The following ADGB variants were observed in gnomAD, a reference collection of about 807,000 sequenced individuals.
ADGB encodes androglobin, also known as calpain-7-like protein.
A neutral mutation model predicts 210.5 loss-of-function variants in ADGB; 172 were observed. The ratio of observed to expected loss-of-function variants is 0.82; its 90% CI spans 0.72 to 0.93. The LOEUF is 0.93. Ranked by LOEUF, ADGB falls within the 40% of genes least tolerant of loss-of-function variation. ADGB has a pLI of 0.00. For missense variants in ADGB, 2,025 were observed against 1,964.8 expected, an observed-to-expected ratio of 1.03 and a Z score of -0.58; for synonymous variants, 658 against 662.7, an observed-to-expected ratio of 0.99 and a Z score of 0.11.
chr6:146,599,905 GTTC>G (rs532540214), intron 1 of ADGB, among the ~76,000 whole-genome samples: 140 of 152,256 alleles, frequency 9.2e-4, no homozygotes, highest in Non-Finnish European at 1.3e-3. Flanking sequence ...GATCATTCAT[GTTC>G]TTCATGCTCT....
At chr6:146,659,731 C>T (rs115277259) in intron 5 of ADGB, among the ~76,000 whole-genome samples, 361 of 152,236 alleles carry the variant, frequency 2.4e-3, no homozygotes, top group Middle Eastern at 6.8e-3. Context: ...CAGCTCTCTC[C>T]CGTCTTTCAC....
In ADGB at chr6:146,815,308, A is replaced by C. The variant is rs1052449; in HGVS notation, c.*91A>C. 0.33 allele frequency: 308,075 copies of C among 941,582 alleles called. 53,910 individuals carry two copies. The highest frequency in any genetic ancestry group is 0.68 in the East Asian group (20,852 of 30,476). The allele number at this position is 941,582 out of a possible 1,614,324, so 58.3% of individuals were successfully genotyped here. ...GCCTGCTGTTAAGATATTAGGCCAA[A>C]TGAAAATAGAAATTTCTCTTTCTTA... On this transcript the variant is annotated 3_prime_UTR_variant, in exon 36 of 36. Transcript: ENST00000397944.
intron 13 of ADGB, among the ~76,000 whole-genome samples, chr6:146,704,803 C>T (rs1327672): frequency 0.66 from 99,845 of 151,812 alleles, 33,392 homozygotes; most frequent in African/African-American, 0.77. Context: ...ATATATCTGT[C>T]TAAAATCTCA....
intron 33 of ADGB, among the ~76,000 whole-genome samples, chr6:146,799,385 T>C (rs1583644724): frequency 6.6e-6 from 1 of 151,918 alleles, no homozygotes; most frequent in South Asian, 2.1e-4. Flanking sequence ...AATACAAAAA[T>C]TAGCTTGGCG....
At chr6:146,756,540 T>G (rs559844971) in intron 27 of ADGB, among the ~76,000 whole-genome samples, 19 of 152,198 alleles carry the variant, frequency 1.2e-4, no homozygotes, top group South Asian at 4.1e-4. Context: ...ATACCTCTGA[T>G]TAGTTTCTCC....
At chr6:146,624,657 T>C (rs1780947210) in intron 1 of ADGB, among the ~76,000 whole-genome samples, 1 of 151,912 alleles carries the variant, frequency 6.6e-6, no homozygotes, top group Non-Finnish European at 1.5e-5. Flanking sequence ...GGACTTGCTC[T>C]TTTTTTCTTA....
At chr6:146,732,631 TATG>T (rs1326265278) in intron 20 of ADGB, among the ~76,000 whole-genome samples, 1 of 152,046 alleles carries the variant, frequency 6.6e-6, no homozygotes, top group Non-Finnish European at 1.5e-5. Context: ...CTATGTGACA[TATG>T]ATGAAAAAGC....
intron 20 of ADGB, 57 bp from the exon 21 acceptor site, chr6:146,733,063 G>A: frequency 7.9e-7 from 1 of 1,260,712 alleles, no homozygotes; most frequent in Non-Finnish European, 1.0e-6. Context: ...ATTTTTTAGA[G>A]CTTCTCTGGC....
intron 29 of ADGB, among the ~76,000 whole-genome samples, chr6:146,775,027 C>A (rs1237038061): frequency 6.6e-6 from 1 of 152,092 alleles, no homozygotes; most frequent in Admixed American, 6.6e-5. Context: ...CTCATCTCGG[C>A]CTTCCCAAGT....
intron 8 of ADGB, among the ~76,000 whole-genome samples, chr6:146,675,694 C>A (rs1337943224): frequency 6.6e-6 from 1 of 152,010 alleles, no homozygotes; most frequent in Admixed American, 6.6e-5. Context: ...TTAAAAAAAT[C>A]TTTGAGAAAA....
intron 1 of ADGB, among the ~76,000 whole-genome samples, chr6:146,617,758 G>A (rs1396390119): frequency 6.6e-6 from 1 of 151,910 alleles, no homozygotes; most frequent in Non-Finnish European, 1.5e-5. Flanking sequence ...ATTTGCATAT[G>A]TTGAACCATC....
At chr6:146,637,563 T>A (rs1288037057) in intron 2 of ADGB, among the ~76,000 whole-genome samples, 1 of 151,940 alleles carries the variant, frequency 6.6e-6, no homozygotes, top group African/African-American at 2.4e-5. Context: ...TCCAGCTTTT[T>A]TAGACAGTGC....
At chr6:146,636,285 C>A (rs1019254746) in intron 2 of ADGB, among the ~76,000 whole-genome samples, 1 of 151,982 alleles carries the variant, frequency 6.6e-6, no homozygotes, top group African/African-American at 2.4e-5. Flanking sequence ...TTTAGTTGAA[C>A]TTTACATAAA....
chr6:146,807,079 G>GA (rs1180307192), intron 35 of ADGB, among the ~76,000 whole-genome samples: 1 of 152,174 alleles, frequency 6.6e-6, no homozygotes, highest in African/African-American at 2.4e-5. Context: ...CTTTGCAAGA[G>GA]ACATTGGGCT....
chr6:146,619,862 C>T (rs1338993829), intron 1 of ADGB, among the ~76,000 whole-genome samples: 2 of 151,996 alleles, frequency 1.3e-5, no homozygotes, highest in Non-Finnish European at 2.9e-5. Flanking sequence ...TCTTATTTTA[C>T]CAGTCAGTTT....
intron 29 of ADGB, among the ~76,000 whole-genome samples, chr6:146,773,379 C>T (rs1197594084): frequency 6.6e-6 from 1 of 151,780 alleles, no homozygotes; most frequent in Non-Finnish European, 1.5e-5. Flanking sequence ...TATCTAGAAA[C>T]AAGTTTTAAT....
chr6:146,802,063 A>T (rs574361178), intron 35 of ADGB, 52 bp downstream of exon 35: 1 of 1,199,746 alleles, frequency 8.3e-7, no homozygotes, highest in Non-Finnish European at 1.1e-6. Context: ...CTTTCGTAAC[A>T]TTAAAAAGAA....
intron 29 of ADGB, among the ~76,000 whole-genome samples, chr6:146,773,436 A>C (rs902708215): frequency 1.3e-5 from 2 of 152,172 alleles, no homozygotes; most frequent in Admixed American, 6.6e-5. Flanking sequence ...TACAATTTTA[A>C]TCAGGAAAAA....
intron 1 of ADGB, among the ~76,000 whole-genome samples, chr6:146,608,604 T>A (rs181681948): frequency 6.6e-6 from 1 of 152,344 alleles, no homozygotes; most frequent in Admixed American, 6.5e-5. Context: ...AAGAATTTCT[T>A]GGTTTCTGCC....
Sources: allele counts gnomAD v4.1 joint callset (sites outside exome capture counted in the v4.1 genomes callset), GRCh38; gene constraint gnomAD v4.1.1; transcripts MANE v1.5; gene names NCBI Gene and HGNC (gene_info 2026-07-23, HGNC 2026-07-21).